FSTL4: variants seen among roughly 807,000 people sequenced by gnomAD.
The protein encoded by FSTL4 is follistatin like 4, also known as follistatin-related protein 4.
FSTL4 carries 28 observed loss-of-function variants against 78.2 expected under a neutral mutation model. The observed-to-expected ratio is 0.36, with a 90% confidence interval of 0.27 to 0.49. The LOEUF is 0.49. Ranked by LOEUF, FSTL4 falls within the 20% of genes least tolerant of loss-of-function variation. The pLI, the probability that FSTL4 is intolerant of heterozygous loss-of-function variation, is 0.98. For synonymous variants in FSTL4, 422 were observed against 440.5 expected, an observed-to-expected ratio of 0.96 and a Z score of 0.53; for missense variants, 922 against 1,084.9, an observed-to-expected ratio of 0.85 and a Z score of 2.11.
At position 133,400,806 on chromosome 5, in the gene FSTL4, A is replaced by T; in HGVS notation, c.341T>A (p.Leu114His). 6.2e-7 allele frequency: 1 copy of T among 1,613,940 alleles called. No homozygotes were observed. The highest frequency in any genetic ancestry group is 1.7e-4 in the Middle Eastern group (1 of 6,060). Reference sequence around the variant, plus strand: ...TCCCAGGAGGCAAGCAGCACGGTGGAGCTTACAGTGGTTTTCATAAAACCT... The same window carrying T: ...TCCCAGGAGGCAAGCAGCACGGTGGTGCTTACAGTGGTTTTCATAAAACCT... ...DGRFYENHCK[L>H]HRAACLLGKR... Residue 114 changes from leucine (L) to histidine (H), a missense_variant, in exon 4 of 16, where the codon CTC becomes CAC. Transcript: ENST00000265342.
At chr5:133,510,156 G>A (rs1200159526) in intron 3 of FSTL4, among the ~76,000 whole-genome samples, 1 of 152,194 alleles carries the variant, frequency 6.6e-6, no homozygotes, top group Non-Finnish European at 1.5e-5. Flanking sequence ...CTGAGGCATA[G>A]TGTGATTAAC....
At chr5:133,657,105 A>G in the FSTL4 span, among the ~76,000 whole-genome samples, 1 of 152,184 alleles carries the variant, frequency 6.6e-6, no homozygotes, top group Admixed American at 6.5e-5. Flanking sequence ...TGAGATGCCT[A>G]TTAGTAAGTA....
the FSTL4 span, among the ~76,000 whole-genome samples, chr5:133,757,722 TCAGA>T: frequency 2.6e-5 from 4 of 152,138 alleles, no homozygotes; most frequent in Non-Finnish European, 5.9e-5. Context: ...AGTGAAGACC[TCAGA>T]CAAAGACACC....
intron 4 of FSTL4, among the ~76,000 whole-genome samples, chr5:133,322,777 C>T (rs1047753612): frequency 6.6e-6 from 1 of 152,224 alleles, no homozygotes; most frequent in Non-Finnish European, 1.5e-5. Context: ...CGGAAAATGT[C>T]CTCAGGCTGA....
rs949247683 is a variant in FSTL4 at position 133,583,323 on chromosome 5, G to A, written c.127-16104C>T. The stretch of plus-strand genomic sequence containing the variant: ...AAGATGGCCGAATAGGAACAGCTCC[G>A]GTCTACAGCTCCCAGCGTGAGCGAC... On this transcript the variant is annotated intron_variant, in intron 2 of 15. Coordinates refer to ENST00000265342, the MANE Select transcript of FSTL4 (RefSeq NM_015082.2). The A allele has an allele frequency of 8.2e-5, 22 of 267,210 alleles. 4 individuals carry two copies. Among genetic ancestry groups the A allele is most frequent in the East Asian group, 1.4e-4 (1 of 7,086 alleles). The allele number at this position is 267,210 out of a possible 1,614,324, so 16.6% of individuals were successfully genotyped here.
chr5:133,446,455 G>A (rs181595157), intron 3 of FSTL4, among the ~76,000 whole-genome samples: 120 of 152,162 alleles, frequency 7.9e-4, no homozygotes, highest in Middle Eastern at 6.8e-3. Context: ...AACCCCTCAC[G>A]CTCTCGTCCA....
chr5:133,598,529 T>C (rs192992554), intron 2 of FSTL4, among the ~76,000 whole-genome samples: 5 of 152,112 alleles, frequency 3.3e-5, no homozygotes, highest in African/African-American at 7.2e-5. Flanking sequence ...ATAACGTCTA[T>C]AGGTGGGAGG....
At chr5:133,438,184 ATGCCTT>A (rs1480289989) in intron 3 of FSTL4, among the ~76,000 whole-genome samples, 2 of 152,210 alleles carry the variant, frequency 1.3e-5, no homozygotes, top group African/African-American at 4.8e-5. Context: ...ATATCTGAGA[ATGCCTT>A]TCTTTTGCCT....
At chr5:133,767,847 C>G in the FSTL4 span, among the ~76,000 whole-genome samples, 1 of 152,162 alleles carries the variant, frequency 6.6e-6, no homozygotes, top group Non-Finnish European at 1.5e-5. Context: ...TAGGGCTCTG[C>G]AGGGGTGCTG....
At chr5:133,708,458 C>G in the FSTL4 span, among the ~76,000 whole-genome samples, 1 of 152,156 alleles carries the variant, frequency 6.6e-6, no homozygotes, top group African/African-American at 2.4e-5. Flanking sequence ...TACTCTCCAG[C>G]CTTATTACTC....
intron 4 of FSTL4, among the ~76,000 whole-genome samples, chr5:133,319,329 A>C (rs552433043): frequency 6.6e-6 from 1 of 152,348 alleles, no homozygotes; most frequent in East Asian, 1.9e-4. Flanking sequence ...CACACTGTCC[A>C]GGCCACTCCC....
Position 133,225,940 on chromosome 5 carries a change from G to T in FSTL4, c.1016-121C>A. On this transcript the variant is annotated intron_variant, in intron 8 of 15. Coordinates refer to ENST00000265342, the MANE Select transcript of FSTL4 (RefSeq NM_015082.2). The surrounding 1 kb of genome is among the most constrained non-coding windows in gnomAD (Gnocchi z 4.6). ...CCCAAGTAGGTGACTGGAGTTCTGT[G>T]TTTAACCAAATTATAATAATCCTGT... The T allele has an allele frequency of 3.2e-6, 2 of 628,774 alleles. No individual in the cohort carries two copies. Among genetic ancestry groups the T allele is most frequent in the Non-Finnish European group, 5.2e-6 (2 of 383,434 alleles). The allele number at this position is 628,774 out of a possible 1,614,324, so 38.9% of individuals were successfully genotyped here.
At chr5:133,217,064 A>G (rs1379149931) in intron 13 of FSTL4, among the ~76,000 whole-genome samples, 165 bp downstream of exon 13, 1 of 152,262 alleles carries the variant, frequency 6.6e-6, no homozygotes, top group Non-Finnish European at 1.5e-5. Context: ...CTGTTTCCCT[A>G]CATAGTAGAC....
chr5:133,698,392 A>C, the FSTL4 span, among the ~76,000 whole-genome samples: 5 of 152,206 alleles, frequency 3.3e-5, no homozygotes, highest in Non-Finnish European at 7.3e-5. Context: ...GTACAGTGTG[A>C]ATCACAGACC....
intron 4 of FSTL4, among the ~76,000 whole-genome samples, chr5:133,390,407 T>C (rs1755814587): frequency 1.3e-5 from 2 of 152,258 alleles, no homozygotes; most frequent in Admixed American, 6.5e-5. Context: ...CCAAACTCAG[T>C]AGTCACTGTT....
At chr5:133,596,691 A>G (rs566883690) in intron 2 of FSTL4, among the ~76,000 whole-genome samples, 13 of 152,228 alleles carry the variant, frequency 8.5e-5, no homozygotes, top group Non-Finnish European at 1.3e-4. Context: ...GACCAAGGGA[A>G]GACAATGCTC....
rs573464794 is a variant in FSTL4 at position 133,260,785 on chromosome 5, C to T, written c.728-11209G>A. ...CAGCTGAGCCCAATTGTTGGAAGGG[C>T]AGGGGCACTGGCCCCTGATGGCCTG... On this transcript the variant is annotated intron_variant, in intron 6 of 15. Transcript: ENST00000265342. 2.0e-5 allele frequency among the ~76,000 whole-genome samples: 3 copies of T among 152,298 alleles called. No homozygotes were observed. The South Asian group carries it at 6.2e-4, about 32-fold the overall frequency.
Position 133,281,759 on chromosome 5 carries a change from T to C in FSTL4, c.727+30895A>G, listed in dbSNP as rs575954141. Among the ~76,000 whole-genome samples the C allele has an allele frequency of 2.2e-4, 34 of 152,172 alleles. 1 individual carries two copies. The South Asian group carries it at 4.0e-3, about 18-fold the overall frequency. On this transcript the variant is annotated intron_variant, in intron 6 of 15. Transcript: ENST00000265342. ...TAGGGCAGTCCCAGCCCCCAGGACA[T>C]GAAGAGGGGATATAGATTTTGGAGG...
intron 6 of FSTL4, 96 bp from the exon 7 acceptor site, chr5:133,249,672 GCC>G (rs1277056360): frequency 1.1e-6 from 1 of 873,222 alleles, no homozygotes; most frequent in East Asian, 2.6e-5. Context: ...GGTGGAAGAG[GCC>G]CAGAAGGGCT....
Sources: allele counts gnomAD v4.1 joint callset (sites outside exome capture counted in the v4.1 genomes callset), GRCh38; gene constraint gnomAD v4.1.1; non-coding constraint Gnocchi (gnomAD v3.1); transcripts MANE v1.5; gene names NCBI Gene and HGNC (gene_info 2026-07-23, HGNC 2026-07-21).